Variants in VPS13B observed in about 807,000 individuals in gnomAD.
The protein encoded by VPS13B is intermembrane lipid transfer protein VPS13B.
VPS13B carries 285 observed loss-of-function variants against 426.4 expected under a neutral mutation model. That is an observed-to-expected ratio of 0.67 (90% CI 0.61 to 0.74). The LOEUF (loss-of-function observed/expected upper bound fraction) is 0.74, where lower values mean the gene tolerates loss of function less well. VPS13B is among the 30% of genes least tolerant of loss of function. VPS13B has a pLI of 0.00. For missense variants in VPS13B, 4,537 were observed against 4,782.6 expected, an observed-to-expected ratio of 0.95 and a Z score of 1.51; for synonymous variants, 1,676 against 1,676.4, an observed-to-expected ratio of 1.00 and a Z score of 0.01.
In VPS13B at chr8:99,561,179, T is replaced by C. The variant is rs7005573; in HGVS notation, c.4949+4526T>C. On this transcript the variant is annotated intron_variant, in intron 31 of 61. Transcript: ENST00000357162. ...AAAATCCGTTGCCTGGTAGGCAGTT[T>C]GTCTCTATCTTTCTCCCTCTTTCCA... 3.5e-3 allele frequency among the ~76,000 whole-genome samples: 536 copies of C among 152,324 alleles called. 5 individuals are homozygous for C. Among genetic ancestry groups the C allele is most frequent in the African/African-American group, 0.012 (513 of 41,584 alleles).
At chr8:99,432,000 TA>T (rs1817140152) in intron 22 of VPS13B, among the ~76,000 whole-genome samples, 1 of 152,096 alleles carries the variant, frequency 6.6e-6, no homozygotes, top group Non-Finnish European at 1.5e-5. Flanking sequence ...AGAACTGAGA[TA>T]AAGTCTGAGT....
intron 19 of VPS13B, among the ~76,000 whole-genome samples, chr8:99,316,633 C>T (rs912541797): frequency 5.3e-5 from 8 of 152,114 alleles, no homozygotes; most frequent in South Asian, 2.1e-4. Flanking sequence ...TCTCCAGGGT[C>T]GCAGCCGGTC....
chr8:99,266,576 C>T (rs764148615), intron 17 of VPS13B, among the ~76,000 whole-genome samples: 22 of 152,034 alleles, frequency 1.4e-4, no homozygotes, highest in African/African-American at 3.6e-4. Context: ...CCACATGTCA[C>T]GGGAGATACC....
At chr8:99,774,441 A>T (rs1324655461) in intron 40 of VPS13B, among the ~76,000 whole-genome samples, 1 of 152,210 alleles carries the variant, frequency 6.6e-6, no homozygotes, top group Admixed American at 6.5e-5. Flanking sequence ...TGTTATAAGT[A>T]AAGATTGTAT....
At chr8:99,724,664 C>T (rs1239775380) in intron 39 of VPS13B, among the ~76,000 whole-genome samples, 1 of 152,092 alleles carries the variant, frequency 6.6e-6, no homozygotes, top group African/African-American at 2.4e-5. Context: ...ATGCATTACA[C>T]ATAGTGAGCT....
chr8:99,324,485 G>T (rs1810137885), intron 19 of VPS13B, among the ~76,000 whole-genome samples: 1 of 152,110 alleles, frequency 6.6e-6, no homozygotes, highest in Admixed American at 6.5e-5. Context: ...AGAGCTGAAA[G>T]ATTTCTTAGA....
At chr8:99,714,664 AG>A (rs1832840655) in intron 36 of VPS13B, among the ~76,000 whole-genome samples, 1 of 152,174 alleles carries the variant, frequency 6.6e-6, no homozygotes. Context: ...TGACGCACTA[AG>A]GGGGTCACTT....
At chr8:99,531,822 C>T (rs1329292176) in intron 30 of VPS13B, among the ~76,000 whole-genome samples, 6 of 152,022 alleles carry the variant, frequency 3.9e-5, no homozygotes, top group African/African-American at 1.4e-4. Context: ...ATTTGGAAGT[C>T]ATCTAACAGT....
At chr8:99,638,072 G>C (rs895130612) in intron 33 of VPS13B, among the ~76,000 whole-genome samples, 1 of 151,930 alleles carries the variant, frequency 6.6e-6, no homozygotes, top group African/African-American at 2.4e-5. Flanking sequence ...AGGTTTATTT[G>C]AAATTTTCAT....
intron 39 of VPS13B, among the ~76,000 whole-genome samples, chr8:99,747,289 A>G (rs975763324): frequency 1.3e-5 from 2 of 152,062 alleles, no homozygotes; most frequent in Non-Finnish European, 2.9e-5. Flanking sequence ...ATTGTACAAA[A>G]AAAAAAAAAA....
chr8:99,736,833 G>C (rs3133035), intron 39 of VPS13B, among the ~76,000 whole-genome samples: 1 of 152,122 alleles, frequency 6.6e-6, no homozygotes, highest in African/African-American at 2.4e-5. Flanking sequence ...TAATAATCTC[G>C]TTCAGTCCTC....
At chr8:99,669,996 T>C (rs1830642179) in intron 35 of VPS13B, among the ~76,000 whole-genome samples, 1 of 152,124 alleles carries the variant, frequency 6.6e-6, no homozygotes, top group South Asian at 2.1e-4. Flanking sequence ...GTAAAAGAGT[T>C]CTTAGGTACA....
At chr8:99,586,963 G>T (rs925507502) in intron 33 of VPS13B, among the ~76,000 whole-genome samples, 1 of 151,988 alleles carries the variant, frequency 6.6e-6, no homozygotes, top group Non-Finnish European at 1.5e-5. Flanking sequence ...TACTCCTAAT[G>T]CTATCCCTCC....
At chr8:99,638,068 AT>A (rs1829141885) in intron 33 of VPS13B, among the ~76,000 whole-genome samples, 1 of 152,118 alleles carries the variant, frequency 6.6e-6, no homozygotes. Flanking sequence ...TTGGAGGTTT[AT>A]TTGAAATTTT....
chr8:99,479,639 T>C (rs909786430), intron 24 of VPS13B, among the ~76,000 whole-genome samples: 7 of 152,204 alleles, frequency 4.6e-5, no homozygotes, highest in Admixed American at 4.6e-4. Flanking sequence ...GTTTCTGTCA[T>C]TATAGACTAA....
At chr8:99,795,894 A>T (rs895461383) in intron 43 of VPS13B, among the ~76,000 whole-genome samples, 1 of 152,314 alleles carries the variant, frequency 6.6e-6, no homozygotes, top group African/African-American at 2.4e-5. Context: ...GAAGTCATTC[A>T]TTGTTTTATT....
chr8:99,398,586 T>A lies in VPS13B; in HGVS notation c.3082+6882T>A, dbSNP rs975424149. Among the ~76,000 whole-genome samples the A allele has an allele frequency of 3.3e-5, 5 of 152,220 alleles. No individual in the cohort carries two copies. In the South Asian group the frequency reaches 1.0e-3, roughly 32 times the overall value. ...TGGGGTATGTGTATAGCAATAGAGA[T>A]GTAAAGAGACAAGGAGACAAAATTG... On this transcript the variant is annotated intron_variant, in intron 21 of 61. Transcript: ENST00000357162.
chr8:99,032,641 T>G (rs923700012), intron 2 of VPS13B, among the ~76,000 whole-genome samples: 1 of 151,330 alleles, frequency 6.6e-6, no homozygotes, highest in Non-Finnish European at 1.5e-5. Context: ...GCCATTCTCC[T>G]GCCTCAGCCT....
At position 99,821,583 on chromosome 8, in the gene VPS13B, A is replaced by G; in HGVS notation, c.9183+101A>G. On this transcript the variant is annotated intron_variant, in intron 50 of 61. Coordinates refer to ENST00000357162, the MANE Select transcript of VPS13B (RefSeq NM_152564.5). The stretch of plus-strand genomic sequence containing the variant: ...TTCTTTTTGATACCTTTTTCATATT[A>G]CTTCTTCTAAACAATTTATAACAGT... 2.2e-6 allele frequency: 3 copies of G among 1,344,692 alleles called. No individual in the cohort carries two copies. The South Asian group carries it at 3.6e-5, about 16-fold the overall frequency. 83.3% of individuals were successfully genotyped at this position (1,344,692 alleles called of 1,614,324 possible). A position where few individuals can be genotyped will look rare whatever the true frequency, so the allele number is the denominator to read the frequency against.
Sources: allele counts gnomAD v4.1 joint callset (sites outside exome capture counted in the v4.1 genomes callset), GRCh38; gene constraint gnomAD v4.1.1; transcripts MANE v1.5; gene names NCBI Gene and HGNC (gene_info 2026-07-23, HGNC 2026-07-21).